The following LRPPRC variants were observed in gnomAD, a reference collection of about 807,000 sequenced individuals.
LRPPRC encodes the protein leucine-rich PPR motif-containing protein, mitochondrial.
LRPPRC carries 120 observed loss-of-function variants against 180.3 expected under a neutral mutation model. The observed-to-expected ratio is 0.67, with a 90% CI of 0.57 to 0.77. The LOEUF (loss-of-function observed/expected upper bound fraction) is 0.77, where lower values mean the gene tolerates loss of function less well. LRPPRC is among the 30% of genes least tolerant of loss of function. The probability of loss-of-function intolerance (pLI) is 0.00; values close to 1 mark genes in which losing one functional copy is unlikely to be tolerated. For missense variants in LRPPRC, 2,012 were observed against 1,657.2 expected (o/e 1.21, Z -3.72); for synonymous variants, 723 against 600.0 (o/e 1.21, Z -3.00).
intron 1 of LRPPRC, 27 bp downstream of exon 1, chr2:43,995,772 G>C (rs1043732165): frequency 3.2e-5 from 43 of 1,350,492 alleles, no homozygotes; most frequent in Admixed American, 4.1e-5. Flanking sequence ...GCCGCAGCTT[G>C]CCTGGAGAAA....
chr2:43,994,118 G>C (rs996134336), intron 1 of LRPPRC, among the ~76,000 whole-genome samples: 3 of 152,072 alleles, frequency 2.0e-5, no homozygotes, highest in Non-Finnish European at 4.4e-5. Flanking sequence ...AAATGCTGAG[G>C]ATTAGAAAAA....
intron 12 of LRPPRC, among the ~76,000 whole-genome samples, chr2:43,962,387 G>T (rs1212870575): frequency 1.3e-5 from 2 of 152,156 alleles, no homozygotes; most frequent in African/African-American, 4.8e-5. Context: ...CTGTAATTAT[G>T]TAATTATTTT....
intron 11 of LRPPRC, chr2:43,963,911 A>G: frequency 1.7e-6 from 1 of 593,990 alleles, no homozygotes; most frequent in Admixed American, 3.0e-5. Context: ...TCTGTGAAAC[A>G]GTAAATTTCA....
chr2:43,982,979 CTAAA>C (rs1203574927), intron 1 of LRPPRC, among the ~76,000 whole-genome samples: 2 of 151,414 alleles, frequency 1.3e-5, no homozygotes, highest in African/African-American at 2.4e-5. Flanking sequence ...TCTAATCTGT[CTAAA>C]TAAAGTTGAA....
chr2:43,890,128 A>G, intron 36 of LRPPRC: 2 of 524,328 alleles, frequency 3.8e-6, no homozygotes, highest in Non-Finnish European at 7.1e-6. Context: ...TTAGAATAAT[A>G]TTGATACCAT....
At chr2:43,971,485 TAAAAAAAAA>T (rs528659622) in intron 11 of LRPPRC, among the ~76,000 whole-genome samples, 1 of 62,418 alleles carries the variant, frequency 1.6e-5, no homozygotes, top group Non-Finnish European at 2.8e-5. Context: ...TGTGTCACAG[TAAAAAAAAA>T]AAAAAAAAAA....
At chr2:43,945,283 A>T in intron 22 of LRPPRC, 49 bp downstream of exon 22, 1 of 1,181,754 alleles carries the variant, frequency 8.5e-7, no homozygotes, top group Non-Finnish European at 1.3e-6. Context: ...ATGTTATTCC[A>T]GTGGCAAGAT....
Position 43,975,082 on chromosome 2 carries a change from A to G in LRPPRC, c.864+9T>C. ...TTTTAAAGTATGTTTATTTAGACAT[A>G]AGTCATACCTGCTTAACATGGTCAA... is the stretch of plus-strand genomic sequence containing the variant. On this transcript the variant is annotated intron_variant, in intron 7 of 37. Coordinates refer to ENST00000260665, the MANE Select transcript of LRPPRC (RefSeq NM_133259.4). 2 of 1,611,604 alleles carry G rather than the reference A, an allele frequency of 1.2e-6. No individual in the cohort carries two copies. Among genetic ancestry groups the G allele is most frequent in the Non-Finnish European group, 1.7e-6 (2 of 1,179,380 alleles).
chr2:43,917,968 T>A, intron 29 of LRPPRC, 57 bp downstream of exon 29: 1 of 1,234,966 alleles, frequency 8.1e-7, no homozygotes, highest in East Asian at 2.4e-5. Context: ...CACCCCACAC[T>A]GCTATTAGAA....
chr2:43,912,622 A>G (rs1210666972), intron 29 of LRPPRC, 64 bp from the exon 30 acceptor site: 6 of 1,453,082 alleles, frequency 4.1e-6, no homozygotes, highest in Non-Finnish European at 5.8e-6. Flanking sequence ...AAGGATGGAA[A>G]AAATCCTGAA....
At chr2:43,912,631 A>C in intron 29 of LRPPRC, 73 bp from the exon 30 acceptor site, 1 of 1,367,988 alleles carries the variant, frequency 7.3e-7, no homozygotes, top group Non-Finnish European at 1.0e-6. Context: ...AAAAATCCTG[A>C]AACAAAGACC....
chr2:43,941,266 G>T (rs565279694), intron 23 of LRPPRC, among the ~76,000 whole-genome samples: 4 of 152,246 alleles, frequency 2.6e-5, no homozygotes, highest in Admixed American at 2.6e-4. Flanking sequence ...AACTTAAAGA[G>T]ATTATCTTTC....
At chr2:43,994,755 T>C (rs769190756) in intron 1 of LRPPRC, among the ~76,000 whole-genome samples, 1 of 152,186 alleles carries the variant, frequency 6.6e-6, no homozygotes, top group Non-Finnish European at 1.5e-5. Flanking sequence ...GTCAGAATAC[T>C]ATTAATAACC....
chr2:43,978,857 A>T lies in LRPPRC; in HGVS notation c.469+969T>A, dbSNP rs1165455327. ...ATTCTTTTCTCTATTTTCTTTTATA[A>T]CTAGAAGAGGTATGGATTCTTAAAC... On this transcript the variant is annotated intron_variant, in intron 3 of 37. Coordinates refer to ENST00000260665, the MANE Select transcript of LRPPRC (RefSeq NM_133259.4). 2.0e-5 allele frequency among the ~76,000 whole-genome samples: 3 copies of T among 152,036 alleles called. No homozygotes were observed. The East Asian group carries it at 5.8e-4, about 29-fold the overall frequency.
At chr2:43,945,638 G>A (rs890319688) in intron 21 of LRPPRC, among the ~76,000 whole-genome samples, 1 of 152,004 alleles carries the variant, frequency 6.6e-6, no homozygotes, top group African/African-American at 2.4e-5. Flanking sequence ...CATATATATT[G>A]CATCACTCCA....
chr2:43,929,041 G>T (rs1180839843), intron 25 of LRPPRC, among the ~76,000 whole-genome samples: 1 of 152,160 alleles, frequency 6.6e-6, no homozygotes, highest in African/African-American at 2.4e-5. Context: ...TAAGGAAATT[G>T]TAAGAAAGAG....
chr2:43,964,598 T>C (rs915448085), intron 11 of LRPPRC, among the ~76,000 whole-genome samples: 1 of 152,146 alleles, frequency 6.6e-6, no homozygotes, highest in Non-Finnish European at 1.5e-5. Flanking sequence ...CCAGTACAAA[T>C]AATTGACAGT....
chr2:43,946,405 C>T (rs1431692678), intron 20 of LRPPRC, among the ~76,000 whole-genome samples, 162 bp from the exon 21 acceptor site: 1 of 151,966 alleles, frequency 6.6e-6, no homozygotes, highest in Non-Finnish European at 1.5e-5. Flanking sequence ...TTTTATTCAC[C>T]TCTAAGAAGT....
chr2:43,894,473 T>A (rs1345576744), intron 36 of LRPPRC, 72 bp downstream of exon 36: 2 of 798,106 alleles, frequency 2.5e-6, no homozygotes, highest in African/African-American at 3.5e-5. Flanking sequence ...CTACAAGTCA[T>A]TTACATGATA....
Sources: allele counts gnomAD v4.1 joint callset (sites outside exome capture counted in the v4.1 genomes callset), GRCh38; gene constraint gnomAD v4.1.1; transcripts MANE v1.5; gene names NCBI Gene and HGNC (gene_info 2026-07-23, HGNC 2026-07-21).